SBF2: variants seen among roughly 807,000 people sequenced by gnomAD.
SBF2 encodes the protein myotubularin-related protein 13.
SBF2 carries 112 observed loss-of-function variants against 225.2 expected under a neutral mutation model. That is an observed-to-expected ratio of 0.50 (90% confidence interval 0.43 to 0.58). The LOEUF is 0.58. Ranked by LOEUF, SBF2 falls within the 20% of genes least tolerant of loss-of-function variation. The pLI, the probability that SBF2 is intolerant of heterozygous loss-of-function variation, is 0.00. For missense variants in SBF2, 1,996 were observed against 2,206.2 expected (o/e 0.90, Z 1.91); for synonymous variants, 763 against 773.3 (o/e 0.99, Z 0.22).
At chr11:10,258,050 T>C (rs1251246942) in intron 1 of SBF2, among the ~76,000 whole-genome samples, 2 of 150,800 alleles carry the variant, frequency 1.3e-5, no homozygotes, top group East Asian at 3.9e-4. Context: ...ATCCAAACTA[T>C]GAATCTCTAA....
chr11:10,042,964 C>A lies in SBF2; in HGVS notation c.159G>T (p.Gly53=). The change falls in exon 3 of 40, where the codon GGG becomes GGT. Residue 53 remains glycine, a synonymous_variant. Transcript: ENST00000256190. ...QGIELFCQPG[G]WQLSRERKQP... ...GCTTCCTCTCTCTGGACAGCTGCCA[C>A]CCGCCAGGCTGACAAAACTAAATGA... is the stretch of plus-strand genomic sequence containing the variant. 4 of 1,613,748 alleles carry A rather than the reference C, an allele frequency of 2.5e-6. No homozygotes were observed. The highest frequency in any genetic ancestry group is 3.4e-6 in the Non-Finnish European group (4 of 1,179,800).
intron 2 of SBF2, among the ~76,000 whole-genome samples, chr11:10,152,473 TG>T: frequency 6.6e-6 from 1 of 151,278 alleles, no homozygotes; most frequent in East Asian, 1.9e-4. Context: ...CGCTTGAACC[TG>T]GGGGGCGGAG....
chr11:9,831,554 T>C (rs1219744353), intron 27 of SBF2, among the ~76,000 whole-genome samples: 3 of 152,176 alleles, frequency 2.0e-5, no homozygotes, highest in Non-Finnish European at 4.4e-5. Flanking sequence ...CTAAATCGGA[T>C]CTGATATCTT....
In SBF2 at chr11:9,856,438, G is replaced by T. The variant is rs1174184020; in HGVS notation, c.2363+20C>A. ...CCCAAGAAGAGTAGGAGGAGGGTCT[G>T]TGTGTTCACATTTTGGTACCTGTTT... On this transcript the variant is annotated intron_variant, in intron 19 of 39. Coordinates refer to ENST00000256190, the MANE Select transcript of SBF2 (RefSeq NM_030962.4). The T allele has an allele frequency of 1.2e-6, 2 of 1,613,150 alleles. No homozygotes were observed. The highest frequency in any genetic ancestry group is 1.7e-6 in the Non-Finnish European group (2 of 1,179,984).
At chr11:10,210,738 C>T (rs1176935870) in intron 1 of SBF2, among the ~76,000 whole-genome samples, 2 of 151,236 alleles carry the variant, frequency 1.3e-5, no homozygotes, top group African/African-American at 2.4e-5. Flanking sequence ...TGTGGCCAGG[C>T]GCGGTGGCTC....
chr11:10,224,413 G>T (rs1958459555), intron 1 of SBF2, among the ~76,000 whole-genome samples: 1 of 151,884 alleles, frequency 6.6e-6, no homozygotes, highest in Admixed American at 6.6e-5. Flanking sequence ...AAATAAATTA[G>T]ATCATGTCAC....
At chr11:9,986,539 G>C (rs1947204044) in intron 13 of SBF2, among the ~76,000 whole-genome samples, 1 of 151,942 alleles carries the variant, frequency 6.6e-6, no homozygotes, top group Non-Finnish European at 1.5e-5. Flanking sequence ...CCATTAGCAA[G>C]ATTAACCAAG....
At chr11:9,906,631 A>G (rs1172145352) in intron 16 of SBF2, among the ~76,000 whole-genome samples, 1 of 152,204 alleles carries the variant, frequency 6.6e-6, no homozygotes, top group Non-Finnish European at 1.5e-5. Flanking sequence ...TTACAACAAT[A>G]AGTCTACAAC....
At chr11:9,820,200 A>T (rs1254706361) in intron 28 of SBF2, among the ~76,000 whole-genome samples, 1 of 152,242 alleles carries the variant, frequency 6.6e-6, no homozygotes, top group African/African-American at 2.4e-5. Context: ...CTTTAATAGT[A>T]GTATTAAGTT....
chr11:10,131,099 T>C (rs75418482), intron 2 of SBF2, among the ~76,000 whole-genome samples: 11,688 of 152,256 alleles, frequency 0.077, 635 homozygotes, highest in East Asian at 0.28. Flanking sequence ...TTTAAGAAAT[T>C]GCTAAACCGT....
chr11:9,879,563 T>C lies in SBF2; in HGVS notation c.1929+16380A>G, dbSNP rs146469738. Among the ~76,000 whole-genome samples, 921 of 152,308 alleles carry C rather than the reference T, an allele frequency of 6.0e-3. 4 individuals carry two copies. Among genetic ancestry groups the C allele is most frequent in the Middle Eastern group, 0.031 (9 of 294 alleles). On this transcript the variant is annotated intron_variant, in intron 17 of 39. Coordinates refer to ENST00000256190, the MANE Select transcript of SBF2 (RefSeq NM_030962.4). ...GGACCTGGGCTAAGCTTGGTGAGCA[T>C]AGGGACTGTGTCTGTTTTATTTGTC...
intron 32 of SBF2, among the ~76,000 whole-genome samples, chr11:9,805,145 C>T (rs1385015191): frequency 6.6e-6 from 1 of 151,748 alleles, no homozygotes; most frequent in Non-Finnish European, 1.5e-5. Context: ...ACTTGGGAGG[C>T]CAAGGTGGGA....
chr11:10,140,275 C>G (rs1243754784), intron 2 of SBF2, among the ~76,000 whole-genome samples: 1 of 152,192 alleles, frequency 6.6e-6, no homozygotes, highest in East Asian at 1.9e-4. Context: ...TGGGGAATGG[C>G]TTCCAGGGGA....
chr11:10,180,378 C>CTT (rs1956689320), intron 2 of SBF2, among the ~76,000 whole-genome samples: 1 of 151,728 alleles, frequency 6.6e-6, no homozygotes, highest in East Asian at 1.9e-4. Context: ...TCCTTCAGCA[C>CTT]TTTAAGTATA....
intron 2 of SBF2, among the ~76,000 whole-genome samples, chr11:10,188,774 G>C (rs1486477388): frequency 6.6e-6 from 1 of 152,202 alleles, no homozygotes; most frequent in Non-Finnish European, 1.5e-5. Flanking sequence ...TTACTTCAAA[G>C]AGACAACAGT....
At chr11:9,987,328 G>A (rs1332892680) in intron 13 of SBF2, among the ~76,000 whole-genome samples, 4 of 152,066 alleles carry the variant, frequency 2.6e-5, no homozygotes, top group Non-Finnish European at 5.9e-5. Flanking sequence ...ATACTGAATT[G>A]GGAAAAGTTG....
intron 2 of SBF2, among the ~76,000 whole-genome samples, chr11:10,054,895 GT>G (rs71904271): frequency 0.46 from 69,257 of 149,862 alleles, 16,219 homozygotes; most frequent in Admixed American, 0.56. Context: ...TTGTTTGCAT[GT>G]TTTTTTTTTG....
chr11:10,030,980 G>A (rs1415887706), intron 4 of SBF2, 68 bp downstream of exon 4: 78 of 1,352,002 alleles, frequency 5.8e-5, no homozygotes, highest in Non-Finnish European at 8.0e-5. Flanking sequence ...CAAAGAACTT[G>A]TACCATGGTT....
intron 2 of SBF2, among the ~76,000 whole-genome samples, chr11:10,184,104 A>G (rs538327050): frequency 1.6e-3 from 246 of 152,382 alleles, no homozygotes; most frequent in African/African-American, 5.5e-3. Flanking sequence ...TCCCATAAAC[A>G]TGTAGAATTA....
Sources: gnomAD v4.1 joint callset for allele counts (sites outside exome capture counted in the v4.1 genomes callset) on GRCh38, gnomAD v4.1.1 for gene constraint, MANE v1.5 for transcripts, NCBI Gene and HGNC (gene_info 2026-07-23, HGNC 2026-07-21) for gene names.